CNTN4: variants seen among roughly 807,000 people sequenced by gnomAD.
CNTN4 encodes contactin-4.
A neutral mutation model predicts 122.5 loss-of-function variants in CNTN4; 77 were observed. That is an observed-to-expected ratio of 0.63 (90% CI 0.52 to 0.76). The LOEUF (loss-of-function observed/expected upper bound fraction) is 0.76, where lower values mean the gene tolerates loss of function less well. Among genes scored for constraint, CNTN4 ranks in the 30% least tolerant of loss-of-function variants. CNTN4 has a pLI of 0.00. For synonymous variants in CNTN4, 512 were observed against 447.0 expected (o/e 1.15, Z -1.83); for missense variants, 1,256 against 1,259.1 (o/e 1.00, Z 0.04).
At chr3:2,934,507 G>T (rs544610537) in intron 13 of CNTN4, among the ~76,000 whole-genome samples, 2 of 152,362 alleles carry the variant, frequency 1.3e-5, no homozygotes, top group Admixed American at 6.5e-5. Flanking sequence ...GTCCAAAGAC[G>T]CTGGCAGTCT....
chr3:2,163,103 T>C (rs1338023880), intron 2 of CNTN4, among the ~76,000 whole-genome samples: 1 of 152,148 alleles, frequency 6.6e-6, no homozygotes, highest in African/African-American at 2.4e-5. Flanking sequence ...TCTCAAATTA[T>C]ACTACAAGGC....
At chr3:2,114,067 A>G (rs924568969) in intron 2 of CNTN4, among the ~76,000 whole-genome samples, 1 of 152,168 alleles carries the variant, frequency 6.6e-6, no homozygotes, top group Non-Finnish European at 1.5e-5. Flanking sequence ...GTGGAATATA[A>G]TGGTGGTAGT....
chr3:2,684,129 GTA>G (rs2085310099), intron 4 of CNTN4, among the ~76,000 whole-genome samples: 1 of 152,150 alleles, frequency 6.6e-6, no homozygotes, highest in African/African-American at 2.4e-5. Context: ...GGTTTCCAGT[GTA>G]TATATAGGAG....
chr3:2,870,507 A>C (rs978312495), intron 8 of CNTN4, among the ~76,000 whole-genome samples: 13 of 152,348 alleles, frequency 8.5e-5, no homozygotes, highest in African/African-American at 1.2e-4. Flanking sequence ...TGCAAAATAA[A>C]GAGGACATTC....
chr3:2,464,028 C>A (rs2075411015), intron 3 of CNTN4, among the ~76,000 whole-genome samples: 1 of 152,064 alleles, frequency 6.6e-6, no homozygotes, highest in South Asian at 2.1e-4. Context: ...ATATTTGCAC[C>A]CCTAACCGTA....
chr3:2,775,790 T>C (rs369583213), intron 6 of CNTN4, among the ~76,000 whole-genome samples: 5 of 152,332 alleles, frequency 3.3e-5, no homozygotes, highest in Admixed American at 1.3e-4. Flanking sequence ...TTTGATTATC[T>C]ATTTTTTGTC....
At position 2,842,325 on chromosome 3, in the gene CNTN4, A is replaced by G. The variant is rs564666876; in HGVS notation, c.454+22744A>G. On this transcript the variant is annotated intron_variant, in intron 7 of 24. Coordinates refer to ENST00000418658, the MANE Select transcript of CNTN4 (RefSeq NM_175607.3). The stretch of plus-strand genomic sequence containing the variant: ...TTTGTGTTTCCCACTCAACCCAAAC[A>G]CAAAATCTTCCAGGGCTCCAATCTA... 7.9e-5 allele frequency among the ~76,000 whole-genome samples: 12 copies of G among 152,290 alleles called. No homozygotes were observed. In the East Asian group the frequency reaches 1.9e-3, roughly 25 times the overall value.
rs71058653 is a variant in CNTN4 at position 2,834,898 on chromosome 3, C to CTTTTTTTTTTTTTTTTTTTTTTTT, written c.454+15318_454+15341dup. Among the ~76,000 whole-genome samples, 125 of 60,458 alleles carry CTTTTTTTTTTTTTTTTTTTTTTTT rather than the reference C, an allele frequency of 2.1e-3. 18 individuals are homozygous for CTTTTTTTTTTTTTTTTTTTTTTTT. The highest frequency in any genetic ancestry group is 3.5e-3 in the African/African-American group (47 of 13,266). 39.7% of individuals were successfully genotyped at this position (60,458 alleles called of 152,430 possible). On this transcript the variant is annotated intron_variant, in intron 7 of 24. Coordinates refer to ENST00000418658, the MANE Select transcript of CNTN4 (RefSeq NM_175607.3). Reference sequence around the variant, plus strand: ...AAGCATTAAATTAGATAAAGGCAACCTTTTTTTTTTTTTTTTTTTTTTTTG... The same window carrying CTTTTTTTTTTTTTTTTTTTTTTTT: ...AAGCATTAAATTAGATAAAGGCAACCTTTTTTTTTTTTTTTTTTTTTTTTTTTTTTTTTTTTTTTTTTTTTTTTG...
chr3:2,797,546 C>T (rs538603073), intron 6 of CNTN4, among the ~76,000 whole-genome samples: 24 of 152,180 alleles, frequency 1.6e-4, no homozygotes, highest in African/African-American at 4.8e-4. Context: ...TGCAGTGAGC[C>T]GAGATCGCGC....
intron 8 of CNTN4, among the ~76,000 whole-genome samples, chr3:2,867,261 G>A (rs1275222176): frequency 6.6e-6 from 1 of 152,162 alleles, no homozygotes; most frequent in East Asian, 1.9e-4. Flanking sequence ...CAGTCAGAAT[G>A]AAGTGAAAGG....
chr3:2,357,344 C>T (rs2044915978), intron 3 of CNTN4, among the ~76,000 whole-genome samples: 1 of 152,258 alleles, frequency 6.6e-6, no homozygotes, highest in South Asian at 2.1e-4. Flanking sequence ...TAGTTTGTAA[C>T]AGTGTTGGAA....
intron 6 of CNTN4, among the ~76,000 whole-genome samples, chr3:2,776,843 C>T (rs148247838): frequency 1.1e-4 from 17 of 152,266 alleles, no homozygotes; most frequent in Non-Finnish European, 2.1e-4. Context: ...AACAGACATA[C>T]CCCCTTCATT....
intron 3 of CNTN4, among the ~76,000 whole-genome samples, chr3:2,495,977 T>C (rs2076442395): frequency 6.6e-6 from 1 of 152,188 alleles, no homozygotes; most frequent in South Asian, 2.1e-4. Context: ...TGGCCTCTTG[T>C]CTTCTGTCCC....
At chr3:2,297,752 C>G (rs1190618559) in intron 2 of CNTN4, among the ~76,000 whole-genome samples, 5 of 152,168 alleles carry the variant, frequency 3.3e-5, no homozygotes, top group African/African-American at 1.2e-4. Context: ...TTGTCTGAGA[C>G]AGAGTCTCAC....
rs544518092 is a variant in CNTN4 at position 2,519,448 on chromosome 3, T to G, written c.-88-51968T>G. On this transcript the variant is annotated intron_variant, in intron 3 of 24. Transcript: ENST00000418658. Reference sequence around the variant, plus strand: ...CAGAATGGTCTTCTTGTAGTCTGTCTAGGGATAGAATCTAGAATTTCCAGA... The same window carrying G: ...CAGAATGGTCTTCTTGTAGTCTGTCGAGGGATAGAATCTAGAATTTCCAGA... Among the ~76,000 whole-genome samples the G allele has an allele frequency of 4.6e-5, 7 of 152,330 alleles. No homozygotes were observed. The South Asian group carries it at 1.4e-3, about 32-fold the overall frequency.
At chr3:2,428,958 C>A (rs1191873469) in intron 3 of CNTN4, among the ~76,000 whole-genome samples, 1 of 152,150 alleles carries the variant, frequency 6.6e-6, no homozygotes, top group African/African-American at 2.4e-5. Context: ...GCTGTTGATT[C>A]TAGTTAGCCA....
chr3:2,498,387 T>A (rs1164251212), intron 3 of CNTN4, among the ~76,000 whole-genome samples: 1 of 152,198 alleles, frequency 6.6e-6, no homozygotes. Context: ...CTCCTAGCAA[T>A]GTATGAGTGA....
chr3:2,796,046 C>G (rs1051528021), intron 6 of CNTN4, among the ~76,000 whole-genome samples: 6 of 152,038 alleles, frequency 3.9e-5, no homozygotes, highest in Admixed American at 1.3e-4. Flanking sequence ...TTTATTCTCA[C>G]AGAGAATTGT....
chr3:2,611,685 CAAGT>C lies in CNTN4; in HGVS notation c.55+40128_55+40131del, dbSNP rs2081497403. Among the ~76,000 whole-genome samples, 9 of 152,192 alleles carry C rather than the reference CAAGT, an allele frequency of 5.9e-5. No individual in the cohort carries two copies. In the South Asian group the frequency reaches 1.9e-3, roughly 32 times the overall value. The stretch of plus-strand genomic sequence containing the variant: ...ATGGAATACAGTGAGAAGGAACCTG[CAAGT>C]GTCAATGGAGGCAGAGGCAGAGAAC... On this transcript the variant is annotated intron_variant, in intron 4 of 24. Transcript: ENST00000418658.
Sources: allele counts gnomAD v4.1 joint callset (sites outside exome capture counted in the v4.1 genomes callset), GRCh38; gene constraint gnomAD v4.1.1; transcripts MANE v1.5; gene names NCBI Gene and HGNC (gene_info 2026-07-23, HGNC 2026-07-21).